The following CDH1 variants were observed in gnomAD, a reference collection of about 807,000 sequenced individuals.
The protein encoded by CDH1 is cadherin-1.
Under a neutral mutation model 84.5 loss-of-function variants are expected in CDH1, and 35 were observed. The ratio of observed to expected loss-of-function variants is 0.41; its 90% CI spans 0.32 to 0.55. The LOEUF is 0.55. Among genes scored for constraint, CDH1 ranks in the 20% least tolerant of loss-of-function variants. The pLI, the probability that CDH1 is intolerant of heterozygous loss-of-function variation, is 0.19. For synonymous variants in CDH1, 417 were observed against 439.0 expected (o/e 0.95, Z 0.63); for missense variants, 994 against 1,126.6 (o/e 0.88, Z 1.68).
At chr16:68,777,353 A>G (rs1273728329) in intron 2 of CDH1, among the ~76,000 whole-genome samples, 4 of 152,138 alleles carry the variant, frequency 2.6e-5, no homozygotes, top group African/African-American at 9.7e-5. Context: ...TCAAATGGAG[A>G]CAATAATAGT....
At chr16:68,753,100 C>G (rs1962925943) in intron 2 of CDH1, among the ~76,000 whole-genome samples, 1 of 151,018 alleles carries the variant, frequency 6.6e-6, no homozygotes, top group South Asian at 2.1e-4. Context: ...GTAATCCCAG[C>G]ACTTCGGGAG....
chr16:68,814,745 T>G (rs1175217067), intron 9 of CDH1, among the ~76,000 whole-genome samples: 1 of 152,018 alleles, frequency 6.6e-6, no homozygotes, highest in African/African-American at 2.4e-5. Flanking sequence ...TGGTTGTTTT[T>G]GAAAAATGTC....
chr16:68,761,028 C>G (rs1959216537), intron 2 of CDH1, among the ~76,000 whole-genome samples: 2 of 152,216 alleles, frequency 1.3e-5, no homozygotes, highest in South Asian at 4.1e-4. Flanking sequence ...TCAAGTGAAA[C>G]TGAACTTCCG....
At position 68,780,744 on chromosome 16, in the gene CDH1, C is replaced by T. The variant is rs1232669219; in HGVS notation, c.164-20926C>T. Among the ~76,000 whole-genome samples, 3 of 152,180 alleles carry T rather than the reference C, an allele frequency of 2.0e-5. No individual in the cohort carries two copies. The East Asian group carries it at 5.8e-4, about 29-fold the overall frequency. ...TTCAAAGCTGGCTAGTACTGCACCT[C>T]ATTCTCGTGATTTCATGCCCACAGT... On this transcript the variant is annotated intron_variant, in intron 2 of 15. Coordinates refer to ENST00000261769, the MANE Select transcript of CDH1 (RefSeq NM_004360.5).
chr16:68,806,372 A>C, intron 3 of CDH1, among the ~76,000 whole-genome samples: 1 of 151,340 alleles, frequency 6.6e-6, no homozygotes, highest in East Asian at 2.0e-4. Context: ...CTGATCCCAA[A>C]CTCCTGACCT....
chr16:68,778,555 C>T (rs1030347434), intron 2 of CDH1, among the ~76,000 whole-genome samples: 2 of 151,958 alleles, frequency 1.3e-5, no homozygotes, highest in African/African-American at 4.8e-5. Context: ...GGTTTGCAGC[C>T]TTCCCAGAAA....
intron 1 of CDH1, among the ~76,000 whole-genome samples, chr16:68,738,000 G>A (rs963771821): frequency 5.9e-5 from 9 of 152,160 alleles, no homozygotes; most frequent in Non-Finnish European, 1.2e-4. Flanking sequence ...GGAAAGTGGG[G>A]TACTGGAGAA....
chr16:68,783,627 T>C (rs1158789379), intron 2 of CDH1, among the ~76,000 whole-genome samples: 6 of 152,156 alleles, frequency 3.9e-5, no homozygotes, highest in Admixed American at 3.3e-4. Flanking sequence ...CCCATATTAT[T>C]ACATATACAC....
At chr16:68,787,096 C>T (rs1960072681) in intron 2 of CDH1, among the ~76,000 whole-genome samples, 1 of 152,170 alleles carries the variant, frequency 6.6e-6, no homozygotes, top group Non-Finnish European at 1.5e-5. Context: ...TCAGCCAGTG[C>T]TTGGAAAATG....
chr16:68,811,619 A>T (rs2152131793), intron 6 of CDH1, 65 bp from the exon 7 acceptor site: 2 of 1,397,940 alleles, frequency 1.4e-6, no homozygotes, highest in Non-Finnish European at 2.0e-6. Context: ...GAATTGGATT[A>T]AGCAGTATTG....
At chr16:68,754,416 AAAAAG>A (rs1962969406) in intron 2 of CDH1, among the ~76,000 whole-genome samples, 1 of 152,176 alleles carries the variant, frequency 6.6e-6, no homozygotes, top group Non-Finnish European at 1.5e-5. Context: ...TGTCTCAAGA[AAAAAG>A]AAAAGTATTT....
intron 10 of CDH1, among the ~76,000 whole-genome samples, chr16:68,816,205 A>G (rs1402852126): frequency 6.6e-6 from 1 of 152,106 alleles, no homozygotes; most frequent in Non-Finnish European, 1.5e-5. Context: ...TTTAGTAGAG[A>G]CAAGGCTTCA....
rs2152133195 is a variant in CDH1 at position 68,813,260 on chromosome 16, G to C, written c.1138-53G>C. The C allele has an allele frequency of 2.6e-6, 4 of 1,567,446 alleles. No homozygotes were observed. The South Asian group carries it at 4.4e-5, about 17-fold the overall frequency. ...GAATCCTTTAGCCCCCTGAGACTCA[G>C]CTCTGCTAGCAGTCTTGGTACTTTG... On this transcript the variant is annotated intron_variant, in intron 8 of 15. Coordinates refer to ENST00000261769, the MANE Select transcript of CDH1 (RefSeq NM_004360.5).
intron 11 of CDH1, among the ~76,000 whole-genome samples, chr16:68,820,765 G>A (rs1276738886): frequency 2.6e-5 from 4 of 151,956 alleles, no homozygotes; most frequent in Non-Finnish European, 2.9e-5. Context: ...GACTGCTTCT[G>A]TGTATTTAAA....
chr16:68,764,268 T>G (rs1959307148), intron 2 of CDH1, among the ~76,000 whole-genome samples: 1 of 151,994 alleles, frequency 6.6e-6, no homozygotes, highest in Non-Finnish European at 1.5e-5. Context: ...TAACTCTGAG[T>G]GGAATTACCA....
At chr16:68,737,576 C>A in intron 1 of CDH1, 113 bp downstream of exon 1, 1 of 1,011,404 alleles carries the variant, frequency 9.9e-7, no homozygotes, top group Non-Finnish European at 1.5e-6. Flanking sequence ...CAAGAAAGTT[C>A]GGGTCCTGAG....
chr16:68,833,597 TG>T lies in CDH1; in HGVS notation c.*102del. Reference sequence around the variant, plus strand: ...GCTCCCTTCCCTTGAGATGAGTTTCTGGGGAAAAAAAAGAGACTGGTTAGTG... The same window carrying T: ...GCTCCCTTCCCTTGAGATGAGTTTCTGGGAAAAAAAAGAGACTGGTTAGTG... On this transcript the variant is annotated 3_prime_UTR_variant, in exon 16 of 16. Transcript: ENST00000261769. 1 of 932,022 alleles carries T rather than the reference TG, an allele frequency of 1.1e-6. No individual in the cohort carries two copies. The highest frequency in any genetic ancestry group is 1.3e-5 in the South Asian group (1 of 75,514). The allele number at this position is 932,022 out of a possible 1,614,324, so 57.7% of individuals were successfully genotyped here.
At chr16:68,829,959 C>CTTTTTTTTTTTTTTTT (rs35566564) in intron 15 of CDH1, among the ~76,000 whole-genome samples, 162 bp downstream of exon 15, 2 of 108,018 alleles carry the variant, frequency 1.9e-5, no homozygotes, top group Non-Finnish European at 3.4e-5. Flanking sequence ...TTTTCTTTTT[C>CTTTTTTTTTTTTTTTT]TTTTTTTTTT....
At chr16:68,761,345 C>T (rs1379460521) in intron 2 of CDH1, among the ~76,000 whole-genome samples, 2 of 152,334 alleles carry the variant, frequency 1.3e-5, no homozygotes, top group South Asian at 2.1e-4. Context: ...TCTCCCCTGC[C>T]CCCACATGTT....
Sources: allele counts gnomAD v4.1 joint callset (sites outside exome capture counted in the v4.1 genomes callset), GRCh38; gene constraint gnomAD v4.1.1; transcripts MANE v1.5; gene names NCBI Gene and HGNC (gene_info 2026-07-23, HGNC 2026-07-21).